ASB18: variants seen among roughly 807,000 people sequenced by gnomAD.
ASB18 encodes the protein ankyrin repeat and SOCS box containing 18, also known as ankyrin repeat and SOCS box protein 18.
In ASB18, 33 loss-of-function variants were observed where a neutral mutation model predicts 33.4. That is an observed-to-expected ratio of 0.99 (90% CI 0.75 to 1.32). The LOEUF (loss-of-function observed/expected upper bound fraction) is 1.32. Ranked by LOEUF, ASB18 falls within the 40% of genes most tolerant of loss-of-function variation. The pLI is 0.00. For missense variants in ASB18, 694 were observed against 655.5 expected (o/e 1.06, Z -0.64); for synonymous variants, 295 against 307.6 (o/e 0.96, Z 0.43).
intron 4 of ASB18, among the ~76,000 whole-genome samples, chr2:236,202,777 C>CAAAAAAA (rs34973734): frequency 1.7e-3 from 116 of 68,482 alleles, no homozygotes; most frequent in Non-Finnish European, 2.1e-3. Context: ...GACTCCGTCT[C>CAAAAAAA]AAAAAAAAAA....
rs1198868600 is a variant in ASB18 at position 236,221,050 on chromosome 2, T to C, written c.597-6184A>G. 6.6e-6 allele frequency among the ~76,000 whole-genome samples: 1 copy of C among 152,052 alleles called. No individual in the cohort carries two copies. The highest frequency in any genetic ancestry group is 1.9e-4 in the East Asian group (1 of 5,174). On this transcript the variant is annotated intron_variant, in intron 3 of 5. Transcript: ENST00000409749. The surrounding 1 kb of genome is among the most constrained non-coding windows in gnomAD (Gnocchi z 5.6). ...CGGTAGATGGCATCCTCCCTCCTTTTTGGTGAGGAGTTCATCTTTGAGGTT... is the reference window on the plus strand; with the variant it reads ...CGGTAGATGGCATCCTCCCTCCTTTCTGGTGAGGAGTTCATCTTTGAGGTT...
In ASB18 at chr2:236,200,285, G is replaced by T. The variant is rs917002629; in HGVS notation, c.1102-3900C>A. ...AATTGCTTGAATCCAGGAGGTGGAG[G>T]TTGCAGTGAGCTGAGATCATGCCAC... is the stretch of plus-strand genomic sequence containing the variant. On this transcript the variant is annotated intron_variant, in intron 4 of 5. Coordinates refer to ENST00000409749, the MANE Select transcript of ASB18 (RefSeq NM_212556.4). The surrounding 1 kb of genome is among the most constrained non-coding windows in gnomAD (Gnocchi z 4.2). 2.0e-5 allele frequency among the ~76,000 whole-genome samples: 3 copies of T among 152,090 alleles called. No individual in the cohort carries two copies. The highest frequency in any genetic ancestry group is 4.4e-5 in the Non-Finnish European group (3 of 68,026).
chr2:236,224,588 ATCTTTTAGCATTGT>A (rs1443447066), intron 3 of ASB18, among the ~76,000 whole-genome samples: 1 of 152,184 alleles, frequency 6.6e-6, no homozygotes, highest in African/African-American at 2.4e-5. Context: ...AGGAGATGCA[ATCTTTTAGCATTGT>A]TCTCACAACC....
At position 236,214,817 on chromosome 2, in the gene ASB18, C is replaced by G; in HGVS notation, c.646G>C (p.Gly216Arg). Residue 216 changes from glycine to arginine, a missense_variant, in exon 4 of 6, where the codon GGC becomes CGC. Coordinates refer to ENST00000409749, the MANE Select transcript of ASB18 (RefSeq NM_212556.4). This position sits in a 1 kb window ranked among gnomAD's most constrained non-coding sequence, Gnocchi z 6.5. ...EHGASVQRVGGTGRDTPLHVA... is the reference protein window; with the variant it reads ...EHGASVQRVGRTGRDTPLHVA... ...TGCAGCGGCGTGTCCCGGCCCGTGC[C>G]GCCCACGCGCTGCACCGAGGCCCCG... 8.2e-7 allele frequency: 1 copy of G among 1,213,078 alleles called. No individual in the cohort carries two copies. Among genetic ancestry groups the G allele is most frequent in the Non-Finnish European group, 1.0e-6 (1 of 975,506 alleles). The allele number at this position is 1,213,078 out of a possible 1,614,324, so 75.1% of individuals were successfully genotyped here.
Position 236,209,054 on chromosome 2 carries a change from A to G in ASB18, c.1101+5308T>C, listed in dbSNP as rs72620810. On this transcript the variant is annotated intron_variant, in intron 4 of 5. Transcript: ENST00000409749. The surrounding 1 kb of genome is among the most constrained non-coding windows in gnomAD (Gnocchi z 4.4). ...TCCCACTGGGGACTGGGTGCACGCA[A>G]CTCTGTGAAGATGGGAGGGGGAGCC... Among the ~76,000 whole-genome samples the G allele has an allele frequency of 0.17, 26,260 of 151,996 alleles. 2,283 individuals are homozygous for G. Among genetic ancestry groups the G allele is most frequent in the South Asian group, 0.25 (1,199 of 4,802 alleles).
At position 236,216,613 on chromosome 2, in the gene ASB18, C is replaced by T. The variant is rs1230294732; in HGVS notation, c.597-1747G>A. 2.6e-5 allele frequency among the ~76,000 whole-genome samples: 4 copies of T among 152,242 alleles called. No homozygotes were observed. The highest frequency in any genetic ancestry group is 9.6e-5 in the African/African-American group (4 of 41,476). ...TCATCACCTGAACTGCTTCCTCCCT[C>T]CACTCCCAGTGTCACTGTCCTTTGT... On this transcript the variant is annotated intron_variant, in intron 3 of 5. Transcript: ENST00000409749. The surrounding 1 kb of genome is among the most constrained non-coding windows in gnomAD (Gnocchi z 6.1).
In ASB18 at chr2:236,222,248, G is replaced by A. The variant is rs934893158; in HGVS notation, c.597-7382C>T. ...CTCTCCCTCTCTCCCGGGATGCTAA[G>A]CTATGAGACTATCAGACATAAATGT... is the stretch of plus-strand genomic sequence containing the variant. On this transcript the variant is annotated intron_variant, in intron 3 of 5. Coordinates refer to ENST00000409749, the MANE Select transcript of ASB18 (RefSeq NM_212556.4). This position sits in a 1 kb window ranked among gnomAD's most constrained non-coding sequence, Gnocchi z 5.5. Among the ~76,000 whole-genome samples, 1 of 152,182 alleles carries A rather than the reference G, an allele frequency of 6.6e-6. No homozygotes were observed. The highest frequency in any genetic ancestry group is 2.4e-5 in the African/African-American group (1 of 41,424).
chr2:236,214,187 G>T lies in ASB18; in HGVS notation c.1101+175C>A. On this transcript the variant is annotated intron_variant, in intron 4 of 5. Transcript: ENST00000409749. This position sits in a 1 kb window ranked among gnomAD's most constrained non-coding sequence, Gnocchi z 6.5. The stretch of plus-strand genomic sequence containing the variant: ...TCTAGGCCACACCCGGGAGCTTGTT[G>T]GCAATGCAGGCTCTCCCACCCCAGA... 3.0e-6 allele frequency: 2 copies of T among 664,008 alleles called. No homozygotes were observed. The highest frequency in any genetic ancestry group is 4.9e-6 in the Non-Finnish European group (2 of 409,238). The allele number at this position is 664,008 out of a possible 1,614,324, so 41.1% of individuals were successfully genotyped here. A position where few individuals can be genotyped will look rare whatever the true frequency, so the allele number is the denominator to read the frequency against.
Position 236,217,895 on chromosome 2 carries a change from A to T in ASB18, c.597-3029T>A, listed in dbSNP as rs1559330859. ...TTTGCTTCCTATTTGCTTCTCTGGG[A>T]GGAATTTTGAACAGTGCAGCAGGAC... On this transcript the variant is annotated intron_variant, in intron 3 of 5. Transcript: ENST00000409749. This position sits in a 1 kb window ranked among gnomAD's most constrained non-coding sequence, Gnocchi z 5.2. Among the ~76,000 whole-genome samples, 1 of 152,224 alleles carries T rather than the reference A, an allele frequency of 6.6e-6. No homozygotes were observed. Among genetic ancestry groups the T allele is most frequent in the Admixed American group, 6.5e-5 (1 of 15,280 alleles).
chr2:236,235,888 T>G lies in ASB18; in HGVS notation c.596+1801A>C, dbSNP rs2060586820. Reference sequence around the variant, plus strand: ...TTTGTATTTTTTGTAGAGATGGGGTTTTGCCGTGTTGCCCAGGCTGGTCTT... The same window carrying G: ...TTTGTATTTTTTGTAGAGATGGGGTGTTGCCGTGTTGCCCAGGCTGGTCTT... On this transcript the variant is annotated intron_variant, in intron 3 of 5. Coordinates refer to ENST00000409749, the MANE Select transcript of ASB18 (RefSeq NM_212556.4). This position sits in a 1 kb window ranked among gnomAD's most constrained non-coding sequence, Gnocchi z 6.2. Among the ~76,000 whole-genome samples the G allele has an allele frequency of 6.6e-6, 1 of 152,068 alleles. No individual in the cohort carries two copies. The highest frequency in any genetic ancestry group is 2.1e-4 in the South Asian group (1 of 4,826).
chr2:236,207,221 C>G (rs866500777), intron 4 of ASB18, among the ~76,000 whole-genome samples: 1 of 152,174 alleles, frequency 6.6e-6, no homozygotes, highest in Non-Finnish European at 1.5e-5. Context: ...GCCAATGGCC[C>G]AGCACGGATT....
Position 236,238,005 on chromosome 2 carries a change from T to C in ASB18, c.329-49A>G. 7.1e-7 allele frequency: 1 copy of C among 1,418,116 alleles called. No homozygotes were observed. The highest frequency in any genetic ancestry group is 9.2e-7 in the Non-Finnish European group (1 of 1,090,920). 87.8% of individuals were successfully genotyped at this position (1,418,116 alleles called of 1,614,324 possible). A position where few individuals can be genotyped will look rare whatever the true frequency, so the allele number is the denominator to read the frequency against. On this transcript the variant is annotated intron_variant, in intron 2 of 5. Transcript: ENST00000409749. The surrounding 1 kb of genome is among the most constrained non-coding windows in gnomAD (Gnocchi z 5.2). ...AAGGTCAGGGGGAGGTTAGTTGTGG[T>C]GGTGGTGGGCGGTGTTCCTTAAGGC...
rs201221674 is a variant in ASB18, at chr2:236,264,355, G to A, written c.-10C>T. 3.2e-5 allele frequency: 52 copies of A among 1,609,392 alleles called. No homozygotes were observed. Among genetic ancestry groups the A allele is most frequent in the Admixed American group, 5.0e-5 (3 of 59,956 alleles). On this transcript the variant is annotated 5_prime_UTR_variant, in exon 1 of 6. In the 5' UTR this introduces an upstream ATG that the reference lacks. Coordinates refer to ENST00000409749, the MANE Select transcript of ASB18 (RefSeq NM_212556.4). This position sits in a 1 kb window ranked among gnomAD's most constrained non-coding sequence, Gnocchi z 5.1. Reference sequence around the variant, plus strand: ...AATCCGAGTTGGACATTGTTACGTCGTTTCTGCAGTGACCAGCCCTTCTTT... The same window carrying A: ...AATCCGAGTTGGACATTGTTACGTCATTTCTGCAGTGACCAGCCCTTCTTT...
chr2:236,211,377 C>A lies in ASB18; in HGVS notation c.1101+2985G>T, dbSNP rs1268380232. On this transcript the variant is annotated intron_variant, in intron 4 of 5. Coordinates refer to ENST00000409749, the MANE Select transcript of ASB18 (RefSeq NM_212556.4). The surrounding 1 kb of genome is among the most constrained non-coding windows in gnomAD (Gnocchi z 5.0). The stretch of plus-strand genomic sequence containing the variant: ...CGTGACACTACTTTGATTCTCACTG[C>A]AGAGCACTGCGCCGGCTCGGAAGGA... Among the ~76,000 whole-genome samples, 1 of 152,268 alleles carries A rather than the reference C, an allele frequency of 6.6e-6. No individual in the cohort carries two copies. The highest frequency in any genetic ancestry group is 1.5e-5 in the Non-Finnish European group (1 of 68,052).
intron 1 of ASB18, among the ~76,000 whole-genome samples, chr2:236,261,738 A>G (rs951903442): frequency 2.0e-5 from 3 of 152,204 alleles, no homozygotes; most frequent in Admixed American, 1.3e-4. Context: ...TATAAAGACA[A>G]TGAGGTTTAA....
At position 236,238,117 on chromosome 2, in the gene ASB18, C is replaced by T. The variant is rs1366968113; in HGVS notation, c.329-161G>A. On this transcript the variant is annotated intron_variant, in intron 2 of 5. Coordinates refer to ENST00000409749, the MANE Select transcript of ASB18 (RefSeq NM_212556.4). The surrounding 1 kb of genome is among the most constrained non-coding windows in gnomAD (Gnocchi z 5.2). ...ATAGAATCAGAGACGCACACAGAGA[C>T]AGAGAGCAGAGAGACACACTGGGAA... Among the ~76,000 whole-genome samples the T allele has an allele frequency of 3.3e-5, 5 of 151,966 alleles. No homozygotes were observed. The highest frequency in any genetic ancestry group is 7.4e-5 in the Non-Finnish European group (5 of 67,994).
At position 236,235,419 on chromosome 2, in the gene ASB18, A is replaced by G. The variant is rs1008717344; in HGVS notation, c.596+2270T>C. Among the ~76,000 whole-genome samples the G allele has an allele frequency of 2.1e-4, 32 of 152,258 alleles. No homozygotes were observed. Among genetic ancestry groups the G allele is most frequent in the Admixed American group, 1.6e-3 (24 of 15,292 alleles). ...TAAATATACTCTATGATGTTTACACAATGATGAAACAACACATTTCTGAGA... is the reference window on the plus strand; with the variant it reads ...TAAATATACTCTATGATGTTTACACGATGATGAAACAACACATTTCTGAGA... On this transcript the variant is annotated intron_variant, in intron 3 of 5. Transcript: ENST00000409749. This position sits in a 1 kb window ranked among gnomAD's most constrained non-coding sequence, Gnocchi z 6.2.
intron 3 of ASB18, among the ~76,000 whole-genome samples, chr2:236,230,992 C>A (rs2060561469): frequency 6.6e-6 from 1 of 152,046 alleles, no homozygotes; most frequent in African/African-American, 2.4e-5. Flanking sequence ...AATAAAGACT[C>A]AGGTAAGTTA....
In ASB18 at chr2:236,263,306, T is replaced by G. The variant is rs1013074145; in HGVS notation, c.205+835A>C. On this transcript the variant is annotated intron_variant, in intron 1 of 5. Coordinates refer to ENST00000409749, the MANE Select transcript of ASB18 (RefSeq NM_212556.4). The surrounding 1 kb of genome is among the most constrained non-coding windows in gnomAD (Gnocchi z 4.0). ...GCCCAAGACCCAAATAGACAGGTCT[T>G]GCACCTGATGAGGCCTACAAAGAAA... Among the ~76,000 whole-genome samples, 2 of 152,210 alleles carry G rather than the reference T, an allele frequency of 1.3e-5. No homozygotes were observed. Among genetic ancestry groups the G allele is most frequent in the East Asian group, 3.8e-4 (2 of 5,196 alleles).
Sources: gnomAD v4.1 joint callset for allele counts (sites outside exome capture counted in the v4.1 genomes callset) on GRCh38, gnomAD v4.1.1 for gene constraint, Gnocchi (gnomAD v3.1) non-coding constraint, MANE v1.5 for transcripts, NCBI Gene and HGNC (gene_info 2026-07-23, HGNC 2026-07-21) for gene names.